The following RIC1 variants were observed in gnomAD, a reference collection of about 807,000 sequenced individuals.
RIC1 encodes the protein RIC1 partner of RAB6A GEF complex, also known as guanine nucleotide exchange factor subunit RIC1.
RIC1 carries 88 observed loss-of-function variants against 169.0 expected under a neutral mutation model. The observed-to-expected ratio is 0.52, with a 90% CI of 0.44 to 0.62. The LOEUF is 0.62. RIC1 is among the 20% of genes least tolerant of loss of function. The pLI, the probability that RIC1 is intolerant of heterozygous loss-of-function variation, is 0.00. For synonymous variants in RIC1, 790 were observed against 601.5 expected (o/e 1.31, Z -4.59); for missense variants, 1,877 against 1,725.5 (o/e 1.09, Z -1.56).
chr9:5,732,585 T>C, intron 7 of RIC1, 106 bp downstream of exon 7: 1 of 606,292 alleles, frequency 1.6e-6, no homozygotes, highest in Non-Finnish European at 2.8e-6. Flanking sequence ...AACTGCATCA[T>C]GCTATCATAA....
At chr9:5,679,397 G>C (rs1192943291) in intron 2 of RIC1, among the ~76,000 whole-genome samples, 1 of 152,154 alleles carries the variant, frequency 6.6e-6, no homozygotes, top group African/African-American at 2.4e-5. Flanking sequence ...GTAGCTTGAT[G>C]GGGATGGCAT....
chr9:5,701,186 C>T (rs13287168), intron 3 of RIC1, among the ~76,000 whole-genome samples: 48,508 of 152,080 alleles, frequency 0.32, 8,331 homozygotes, highest in East Asian at 0.61. Context: ...TATAGAAAAG[C>T]TCTGAATGTT....
intron 1 of RIC1, among the ~76,000 whole-genome samples, chr9:5,638,299 G>A (rs1234703755): frequency 6.6e-6 from 1 of 152,138 alleles, no homozygotes; most frequent in African/African-American, 2.4e-5. Flanking sequence ...ATATTGACCT[G>A]TAGTTTTCTT....
At chr9:5,652,710 C>G (rs1435889615) in intron 1 of RIC1, among the ~76,000 whole-genome samples, 1 of 150,930 alleles carries the variant, frequency 6.6e-6, no homozygotes, top group African/African-American at 2.4e-5. Context: ...TTTTTCTTGC[C>G]TAATTGCTCT....
Position 5,774,661 on chromosome 9 carries a change from G to A in RIC1, c.*415G>A, listed in dbSNP as rs10975277. 55,964 of 157,804 alleles carry A rather than the reference G, an allele frequency of 0.35. 10,231 individuals carry two copies. Among genetic ancestry groups the A allele is most frequent in the East Asian group, 0.58 (3,122 of 5,390 alleles). 9.8% of individuals were successfully genotyped at this position (157,804 alleles called of 1,614,324 possible). ...AATGCTAAGGTGCTTGCTATAGTCT[G>A]TCAGGTACTTGAGCTACCTGTTTGC... On this transcript the variant is annotated 3_prime_UTR_variant, in exon 26 of 26. Coordinates refer to ENST00000414202, the MANE Select transcript of RIC1 (RefSeq NM_020829.4).
chr9:5,687,503 A>G (rs1175203966), intron 2 of RIC1, among the ~76,000 whole-genome samples: 2 of 152,092 alleles, frequency 1.3e-5, no homozygotes, highest in Middle Eastern at 3.2e-3. Context: ...CCTCTTTAGT[A>G]CTGCTTTAGC....
chr9:5,749,373 T>C (rs1268238186), intron 12 of RIC1, among the ~76,000 whole-genome samples: 1 of 152,224 alleles, frequency 6.6e-6, no homozygotes, highest in East Asian at 1.9e-4. Context: ...ACAGTGTCTA[T>C]ATAATGCTAA....
intron 1 of RIC1, among the ~76,000 whole-genome samples, chr9:5,656,061 G>A (rs1275061416): frequency 5.9e-5 from 9 of 151,984 alleles, no homozygotes; most frequent in African/African-American, 2.2e-4. Flanking sequence ...TAGTAGAAAC[G>A]GGGTTTCACT....
At chr9:5,687,738 T>C (rs963999068) in intron 2 of RIC1, among the ~76,000 whole-genome samples, 2 of 152,218 alleles carry the variant, frequency 1.3e-5, no homozygotes, top group Admixed American at 6.5e-5. Context: ...CTATTATTCT[T>C]GTTTTAAAGC....
chr9:5,685,373 C>G (rs1268537436), intron 2 of RIC1, among the ~76,000 whole-genome samples: 1 of 151,812 alleles, frequency 6.6e-6, no homozygotes, highest in Non-Finnish European at 1.5e-5. Context: ...CTGACTTCAA[C>G]TATACTACAA....
At chr9:5,754,026 G>GTGTGTA (rs1216712721) in intron 14 of RIC1, among the ~76,000 whole-genome samples, 14 of 149,292 alleles carry the variant, frequency 9.4e-5, no homozygotes, top group Non-Finnish European at 1.5e-4. Flanking sequence ...GAGTGTGCGT[G>GTGTGTA]TGTGTATGTG....
At chr9:5,689,150 G>A (rs1473637574) in intron 2 of RIC1, among the ~76,000 whole-genome samples, 2 of 138,614 alleles carry the variant, frequency 1.4e-5, no homozygotes, top group African/African-American at 5.4e-5. Flanking sequence ...CTGGGTTCAC[G>A]CCATTCTCCT....
At position 5,763,285 on chromosome 9, in the gene RIC1, T is replaced by C; in HGVS notation, c.2258T>C (p.Phe753Ser). The C allele has an allele frequency of 6.2e-7, 1 of 1,614,074 alleles. No individual in the cohort carries two copies. The highest frequency in any genetic ancestry group is 8.5e-7 in the Non-Finnish European group (1 of 1,179,988). The change falls in exon 19 of 26, where the codon TTC (phenylalanine) becomes TCC (serine). Residue 753 changes from phenylalanine to serine, a missense_variant. Physicochemically the swap from Phe to Ser is radical, Grantham distance 155. Coordinates refer to ENST00000414202, the MANE Select transcript of RIC1 (RefSeq NM_020829.4). The surrounding 1 kb of genome is among the most constrained non-coding windows in gnomAD (Gnocchi z 5.2). ...GAGMKVWLPL[F>S]PRDHRKPHSF... ...GGGATGAAAGTTTGGCTCCCTCTCTTCCCTAGGGATCACCGCAAGCCCCAT... is the reference window on the plus strand; with the variant it reads ...GGGATGAAAGTTTGGCTCCCTCTCTCCCCTAGGGATCACCGCAAGCCCCAT...
intron 7 of RIC1, among the ~76,000 whole-genome samples, chr9:5,736,812 A>G (rs947945982): frequency 6.6e-6 from 1 of 152,186 alleles, no homozygotes; most frequent in African/African-American, 2.4e-5. Context: ...AATGGAACAC[A>G]GAAAAAAAAG....
At chr9:5,692,625 C>G (rs976540360) in intron 3 of RIC1, among the ~76,000 whole-genome samples, 4 of 151,924 alleles carry the variant, frequency 2.6e-5, no homozygotes, top group African/African-American at 9.7e-5. Flanking sequence ...AGTTATGTTA[C>G]TTAGTCTAGT....
rs1325852004 is a variant in RIC1 at position 5,756,355 on chromosome 9, T to G, written c.1836T>G (p.Ile612Met). 2.0e-6 allele frequency: 3 copies of G among 1,494,046 alleles called. No individual in the cohort carries two copies. The highest frequency in any genetic ancestry group is 2.7e-6 in the Non-Finnish European group (3 of 1,109,428). The allele number at this position is 1,494,046 out of a possible 1,614,324, so 92.5% of individuals were successfully genotyped here. A position where few individuals can be genotyped will look rare whatever the true frequency, so the allele number is the denominator to read the frequency against. ...ACTGTTCAATATGCCTTTACAGTAT[T>G]GAAAGAAAATCTGATGGGTAAGTAT... ...RADCSICLYS[I>M]ERKSDGPNTT... Residue 612 changes from isoleucine (I) to methionine (M), a missense_variant, in exon 16 of 26, where the codon ATT (isoleucine) becomes ATG (methionine). This residue lies in a region of RIC1 where 1,104 missense variants were observed against 992.0 expected (regional missense o/e 1.11). Coordinates refer to ENST00000414202, the MANE Select transcript of RIC1 (RefSeq NM_020829.4).
chr9:5,719,339 G>C (rs1331361121), intron 4 of RIC1: 1 of 152,168 alleles, frequency 6.6e-6, no homozygotes, highest in African/African-American at 2.4e-5. Context: ...AGCAAAACAG[G>C]CTATTTCCCC....
chr9:5,747,795 C>CTT (rs5896128), intron 12 of RIC1, among the ~76,000 whole-genome samples: 29,856 of 151,912 alleles, frequency 0.2, 5,532 homozygotes, highest in African/African-American at 0.49. Flanking sequence ...CTTTCAGCCT[C>CTT]TTTTTTTGTA....
chr9:5,740,315 G>T (rs1311465374), intron 8 of RIC1, among the ~76,000 whole-genome samples: 2 of 151,942 alleles, frequency 1.3e-5, no homozygotes. Context: ...TAGCATTTTG[G>T]GGTCTAATGA....
Sources: gnomAD v4.1 joint callset for allele counts (sites outside exome capture counted in the v4.1 genomes callset) on GRCh38, gnomAD v4.1.1 for gene constraint, gnomAD v4.1.1 regional missense constraint, Gnocchi (gnomAD v3.1) non-coding constraint, MANE v1.5 for transcripts, NCBI Gene and HGNC (gene_info 2026-07-23, HGNC 2026-07-21) for gene names.